SGCZ: variants seen among roughly 807,000 people sequenced by gnomAD.
The protein encoded by SGCZ is sarcoglycan zeta, also known as zeta-sarcoglycan.
In SGCZ, 40 loss-of-function variants were observed where a neutral mutation model predicts 41.3. The observed-to-expected ratio is 0.97, with a 90% CI of 0.75 to 1.26. SGCZ has a LOEUF of 1.26. Among genes scored for constraint, SGCZ ranks in the 50% most tolerant of loss-of-function variants. The pLI is 0.00. For missense variants in SGCZ, 552 were observed against 369.8 expected (o/e 1.49, Z -4.04); for synonymous variants, 206 against 137.5 (o/e 1.50, Z -3.49).
intron 4 of SGCZ, among the ~76,000 whole-genome samples, chr8:14,220,947 A>G (rs1806171582): frequency 1.3e-5 from 2 of 152,186 alleles, no homozygotes; most frequent in African/African-American, 2.4e-5. Flanking sequence ...TGTTAAGATA[A>G]CACAATCCTG....
At chr8:15,116,263 T>C (rs932811786) in intron 1 of SGCZ, among the ~76,000 whole-genome samples, 2 of 152,210 alleles carry the variant, frequency 1.3e-5, no homozygotes, top group African/African-American at 4.8e-5. Flanking sequence ...ACATTTTTTG[T>C]CTTTTAGCAG....
intron 1 of SGCZ, among the ~76,000 whole-genome samples, chr8:14,729,182 T>C (rs1810152625): frequency 6.6e-6 from 1 of 152,174 alleles, no homozygotes; most frequent in African/African-American, 2.4e-5. Flanking sequence ...ACACCTTTCT[T>C]CCAAGGTGTT....
intron 3 of SGCZ, among the ~76,000 whole-genome samples, chr8:14,308,598 G>C (rs928884230): frequency 5.9e-5 from 9 of 151,790 alleles, no homozygotes; most frequent in Admixed American, 3.3e-4. Flanking sequence ...TTTTATTTAA[G>C]AAACAATGCC....
At chr8:14,702,838 TA>T (rs374807453) in intron 1 of SGCZ, among the ~76,000 whole-genome samples, 2,591 of 99,932 alleles carry the variant, frequency 0.026, 62 homozygotes, top group Non-Finnish European at 0.036. Flanking sequence ...GATAGATAGA[TA>T]GATAGATAGA....
chr8:14,158,326 A>C (rs941988388), intron 5 of SGCZ, among the ~76,000 whole-genome samples: 3 of 152,124 alleles, frequency 2.0e-5, no homozygotes, highest in African/African-American at 7.2e-5. Flanking sequence ...GCTCCTAATA[A>C]ATTGACCTTA....
At chr8:15,188,716 G>A (rs894237044) in intron 1 of SGCZ, among the ~76,000 whole-genome samples, 2 of 152,052 alleles carry the variant, frequency 1.3e-5, no homozygotes, top group African/African-American at 4.8e-5. Context: ...CATTTTCACA[G>A]GAAAAATAAT....
At chr8:15,144,878 A>ATATTGTGGTGCTGTATG (rs1258539761) in intron 1 of SGCZ, among the ~76,000 whole-genome samples, 1 of 152,192 alleles carries the variant, frequency 6.6e-6, no homozygotes, top group Non-Finnish European at 1.5e-5. Context: ...ACCGTACCAC[A>ATATTGTGGTGCTGTATG]TATTGTGGTG....
At chr8:14,348,075 G>A (rs980144505) in intron 2 of SGCZ, among the ~76,000 whole-genome samples, 1 of 151,970 alleles carries the variant, frequency 6.6e-6, no homozygotes, top group Non-Finnish European at 1.5e-5. Flanking sequence ...AGACCCAGCT[G>A]CAGACTTCTC....
intron 1 of SGCZ, among the ~76,000 whole-genome samples, chr8:14,678,430 A>T (rs1286173891): frequency 1.3e-5 from 2 of 152,232 alleles, no homozygotes; most frequent in Non-Finnish European, 2.9e-5. Context: ...TAACCATATG[A>T]CAAGATGCTC....
intron 1 of SGCZ, among the ~76,000 whole-genome samples, chr8:14,852,748 A>C (rs1803379346): frequency 6.6e-6 from 1 of 152,194 alleles, no homozygotes; most frequent in African/African-American, 2.4e-5. Flanking sequence ...ATATTAAGGA[A>C]ACATTGCAAA....
intron 1 of SGCZ, among the ~76,000 whole-genome samples, chr8:15,070,820 A>C (rs1367163679): frequency 6.6e-6 from 1 of 152,238 alleles, no homozygotes; most frequent in Admixed American, 6.5e-5. Context: ...TTAGAGAACA[A>C]CTTAGTAGCA....
intron 1 of SGCZ, among the ~76,000 whole-genome samples, chr8:14,754,031 A>AG (rs1234307231): frequency 6.6e-6 from 1 of 152,148 alleles, no homozygotes; most frequent in African/African-American, 2.4e-5. Flanking sequence ...GGAAAAAAAA[A>AG]GTTTGTTGCT....
chr8:14,704,339 A>AT (rs1232956210), intron 1 of SGCZ, among the ~76,000 whole-genome samples: 4 of 151,958 alleles, frequency 2.6e-5, no homozygotes, highest in East Asian at 1.9e-4. Context: ...CAATGTAATC[A>AT]TTTTTTTGAA....
chr8:14,695,494 G>C (rs192624724), intron 1 of SGCZ, among the ~76,000 whole-genome samples: 89 of 152,164 alleles, frequency 5.8e-4, no homozygotes, highest in African/African-American at 2.1e-3. Context: ...GGATGGAGTA[G>C]GATGCAACTG....
intron 2 of SGCZ, among the ~76,000 whole-genome samples, chr8:14,381,743 G>A (rs1012583637): frequency 2.0e-5 from 3 of 151,434 alleles, no homozygotes; most frequent in African/African-American, 4.9e-5. Context: ...CCATGATTGC[G>A]CCACTGCCTT....
At chr8:15,235,245 CTG>C (rs1348714025) in intron 1 of SGCZ, among the ~76,000 whole-genome samples, 1 of 152,198 alleles carries the variant, frequency 6.6e-6, no homozygotes, top group Non-Finnish European at 1.5e-5. Flanking sequence ...TCTCTACAAA[CTG>C]TATATATTTC....
chr8:14,116,407 G>C (rs961493593), intron 5 of SGCZ, among the ~76,000 whole-genome samples: 9 of 151,646 alleles, frequency 5.9e-5, no homozygotes, highest in Admixed American at 5.9e-4. Flanking sequence ...AATTTTTTTG[G>C]GTCTCTCTGC....
In SGCZ at chr8:14,467,089, A is replaced by T. The variant is rs367619108; in HGVS notation, c.234+87643T>A. Among the ~76,000 whole-genome samples, 116 of 151,780 alleles carry T rather than the reference A, an allele frequency of 7.6e-4. 3 individuals carry two copies. The South Asian group carries it at 0.023, about 30-fold the overall frequency. On this transcript the variant is annotated intron_variant, in intron 2 of 7. Coordinates refer to ENST00000382080, the MANE Select transcript of SGCZ (RefSeq NM_139167.4). ...ATTTATTTATTTATTTTTAATTCTT[A>T]TAGACTCTTCCCTTTTAGTGAATTA...
At chr8:15,005,322 C>CT (rs1491143870) in intron 1 of SGCZ, among the ~76,000 whole-genome samples, 7 of 116,298 alleles carry the variant, frequency 6.0e-5, no homozygotes, top group African/African-American at 1.8e-4. Flanking sequence ...CCGTTTTTTT[C>CT]TTTTTCTTTT....
Sources: gnomAD v4.1 joint callset for allele counts (sites outside exome capture counted in the v4.1 genomes callset) on GRCh38, gnomAD v4.1.1 for gene constraint, MANE v1.5 for transcripts, NCBI Gene and HGNC (gene_info 2026-07-23, HGNC 2026-07-21) for gene names.